Variants in PTPRM observed in about 807,000 individuals in gnomAD.
PTPRM encodes the protein protein tyrosine phosphatase receptor type M, also known as receptor-type tyrosine-protein phosphatase mu.
In PTPRM, 47 loss-of-function variants were observed where a neutral mutation model predicts 186.7. That is an observed-to-expected ratio of 0.25 (90% confidence interval 0.20 to 0.32). The LOEUF is 0.32. Ranked by LOEUF, PTPRM falls within the 10% of genes least tolerant of loss-of-function variation. The pLI, the probability that PTPRM is intolerant of heterozygous loss-of-function variation, is 1.00. For missense variants in PTPRM, 1,494 were observed against 1,865.0 expected (o/e 0.80, Z 3.66); for synonymous variants, 668 against 674.9 (o/e 0.99, Z 0.16).
intron 23 of PTPRM, among the ~76,000 whole-genome samples, chr18:8,345,686 A>G (rs1255014482): frequency 2.0e-5 from 3 of 151,220 alleles, no homozygotes; most frequent in African/African-American, 7.3e-5. Flanking sequence ...CATAAATTAT[A>G]TACATTTTAT....
chr18:8,307,124 G>A (rs1029509152), intron 20 of PTPRM, among the ~76,000 whole-genome samples: 3 of 152,330 alleles, frequency 2.0e-5, no homozygotes, highest in South Asian at 2.1e-4. Flanking sequence ...ATTCTTAGAC[G>A]TCCAAGCAGC....
chr18:8,243,192 G>A (rs1329441985), intron 14 of PTPRM, among the ~76,000 whole-genome samples: 3 of 152,124 alleles, frequency 2.0e-5, no homozygotes, highest in African/African-American at 4.8e-5. Flanking sequence ...TTTAGATGTT[G>A]AGTTTTTGAT....
At chr18:8,008,954 G>T (rs1037918572) in intron 7 of PTPRM, among the ~76,000 whole-genome samples, 1 of 152,172 alleles carries the variant, frequency 6.6e-6, no homozygotes, top group African/African-American at 2.4e-5. Context: ...TTAAAATCTG[G>T]TGGCTGAAGG....
chr18:7,722,813 G>A (rs1006063785), intron 1 of PTPRM, among the ~76,000 whole-genome samples: 1 of 152,066 alleles, frequency 6.6e-6, no homozygotes, highest in South Asian at 2.1e-4. Context: ...AGAGACAAAG[G>A]GATAAAACAG....
chr18:7,838,133 A>C (rs764783005), intron 2 of PTPRM, among the ~76,000 whole-genome samples: 1 of 152,172 alleles, frequency 6.6e-6, no homozygotes, highest in Non-Finnish European at 1.5e-5. Flanking sequence ...ACAGGTACAC[A>C]TGGCTGGGGA....
At chr18:8,112,135 ACATCAC>A (rs1206242293) in intron 11 of PTPRM, among the ~76,000 whole-genome samples, 2 of 152,222 alleles carry the variant, frequency 1.3e-5, no homozygotes, top group Non-Finnish European at 2.9e-5. Flanking sequence ...TTTTAAGTTT[ACATCAC>A]TGGTAATATT....
At chr18:7,675,152 C>A (rs2039305577) in intron 1 of PTPRM, among the ~76,000 whole-genome samples, 1 of 152,204 alleles carries the variant, frequency 6.6e-6, no homozygotes, top group African/African-American at 2.4e-5. Context: ...AATAATCCTG[C>A]TTCGTAAATA....
At chr18:7,882,666 A>T (rs763804259) in intron 2 of PTPRM, among the ~76,000 whole-genome samples, 1 of 152,252 alleles carries the variant, frequency 6.6e-6, no homozygotes, top group Non-Finnish European at 1.5e-5. Context: ...TCTGTAAGCC[A>T]AAGTATTGAA....
intron 7 of PTPRM, among the ~76,000 whole-genome samples, chr18:7,982,616 T>C (rs2082619141): frequency 6.6e-6 from 1 of 152,160 alleles, no homozygotes; most frequent in Non-Finnish European, 1.5e-5. Flanking sequence ...TTGTCTATTA[T>C]CATTAGCAAG....
rs753179763 is a variant in PTPRM, at chr18:8,394,548, C to G, written c.4281C>G (p.Thr1427=). The change falls in exon 32 of 33, where the codon ACC becomes ACG. Residue 1427 remains threonine (T), a synonymous_variant. Transcript: ENST00000580170. ...GTGAGATGCTCCGGCACCAGAGAACCGTGGATGTCTTTCACGCTGTGAAGA... is the reference window on the plus strand; with the variant it reads ...GTGAGATGCTCCGGCACCAGAGAACGGTGGATGTCTTTCACGCTGTGAAGA... ...IVCEMLRHQR[T]VDVFHAVKTL... The G allele has an allele frequency of 2.5e-6, 4 of 1,613,548 alleles. No individual in the cohort carries two copies. In the African/African-American group the frequency reaches 5.3e-5, roughly 22 times the overall value.
At chr18:8,394,636 C>T (rs1321647079) in intron 32 of PTPRM, 25 bp downstream of exon 32, 1 of 1,578,106 alleles carries the variant, frequency 6.3e-7, no homozygotes, top group Non-Finnish European at 8.6e-7. Flanking sequence ...CTGAGCTGTT[C>T]CATGAGACAC....
chr18:7,714,529 G>A (rs931592921), intron 1 of PTPRM, among the ~76,000 whole-genome samples: 1 of 152,102 alleles, frequency 6.6e-6, no homozygotes. Context: ...GAGTAGAACT[G>A]AAGGAGACAG....
At chr18:8,368,633 G>A (rs2095646469) in intron 23 of PTPRM, among the ~76,000 whole-genome samples, 2 of 152,130 alleles carry the variant, frequency 1.3e-5, no homozygotes. Context: ...GTTTCACAAG[G>A]AGGCAGCTGA....
chr18:8,198,419 G>A (rs2093809034), intron 14 of PTPRM, among the ~76,000 whole-genome samples: 1 of 152,128 alleles, frequency 6.6e-6, no homozygotes. Context: ...AAAGTGCTGT[G>A]ATTACAGGCA....
intron 1 of PTPRM, among the ~76,000 whole-genome samples, chr18:7,772,147 A>G (rs2042296120): frequency 6.6e-6 from 1 of 152,236 alleles, no homozygotes; most frequent in Non-Finnish European, 1.5e-5. Context: ...AATTACAGGG[A>G]GCAAAGCATA....
intron 1 of PTPRM, among the ~76,000 whole-genome samples, chr18:7,646,148 A>G (rs1364958000): frequency 6.6e-6 from 1 of 152,194 alleles, no homozygotes; most frequent in East Asian, 1.9e-4. Flanking sequence ...CAGGATTTGA[A>G]GTGAGCTGTG....
intron 14 of PTPRM, among the ~76,000 whole-genome samples, chr18:8,151,674 A>G (rs1040066911): frequency 6.9e-5 from 10 of 144,528 alleles, no homozygotes; most frequent in African/African-American, 2.1e-4. Flanking sequence ...CTTGCGTTCC[A>G]GGAGCCACTG....
intron 19 of PTPRM, among the ~76,000 whole-genome samples, chr18:8,257,973 T>C (rs1259195412): frequency 6.6e-6 from 1 of 152,190 alleles, no homozygotes; most frequent in Non-Finnish European, 1.5e-5. Flanking sequence ...CAGAGCTCAG[T>C]GCAGGTTTTT....
intron 19 of PTPRM, among the ~76,000 whole-genome samples, chr18:8,284,774 C>T (rs191146727): frequency 1.6e-3 from 246 of 152,178 alleles, no homozygotes; most frequent in Non-Finnish European, 2.9e-3. Context: ...TAACATAATA[C>T]TAACAATAAC....
Sources: allele counts gnomAD v4.1 joint callset (sites outside exome capture counted in the v4.1 genomes callset), GRCh38; gene constraint gnomAD v4.1.1; transcripts MANE v1.5; gene names NCBI Gene and HGNC (gene_info 2026-07-23, HGNC 2026-07-21).